Variants in ELP1 observed in about 807,000 individuals in gnomAD.
ELP1 encodes the protein elongator complex protein 1.
In ELP1, 131 loss-of-function variants were observed where a neutral mutation model predicts 183.2. The ratio of observed to expected loss-of-function variants is 0.72; its 90% CI spans 0.62 to 0.83. ELP1 has a LOEUF of 0.83. Among genes scored for constraint, ELP1 ranks in the 40% least tolerant of loss-of-function variants. The pLI is 0.00. For synonymous variants in ELP1, 555 were observed against 569.0 expected (o/e 0.98, Z 0.35); for missense variants, 1,550 against 1,594.9 (o/e 0.97, Z 0.48).
chr9:108,882,097 A>G, intron 30 of ELP1, 28 bp downstream of exon 30: 2 of 1,600,118 alleles, frequency 1.2e-6, no homozygotes, highest in Non-Finnish European at 1.7e-6. Context: ...TTAGCACCCA[A>G]CATCCAGAGG....
intron 5 of ELP1, among the ~76,000 whole-genome samples, chr9:108,925,855 A>G (rs1025141068): frequency 2.0e-5 from 3 of 152,136 alleles, no homozygotes; most frequent in African/African-American, 2.4e-5. Flanking sequence ...CAGCCCTCCA[A>G]AATTATTTCT....
chr9:108,922,229 A>G (rs1829670717), intron 6 of ELP1, among the ~76,000 whole-genome samples: 1 of 152,206 alleles, frequency 6.6e-6, no homozygotes, highest in Non-Finnish European at 1.5e-5. Context: ...AAAATATAAG[A>G]GTTTAAATGA....
intron 10 of ELP1, among the ~76,000 whole-genome samples, chr9:108,912,753 GTT>G (rs554750757): frequency 6.8e-5 from 9 of 132,722 alleles, no homozygotes; most frequent in Admixed American, 2.3e-4. Flanking sequence ...GTTTATTTTC[GTT>G]TTTTTTTTTT....
intron 5 of ELP1, among the ~76,000 whole-genome samples, chr9:108,924,867 G>C (rs1473559716): frequency 2.0e-5 from 3 of 152,126 alleles, no homozygotes; most frequent in Non-Finnish European, 4.4e-5. Context: ...GGTTCTGGCT[G>C]GAGTCCTGCT....
chr9:108,887,532 A>C (rs1344478958), intron 29 of ELP1, among the ~76,000 whole-genome samples: 10 of 152,204 alleles, frequency 6.6e-5, no homozygotes, highest in African/African-American at 2.4e-4. Flanking sequence ...CCTCCCTGCA[A>C]AACACTTCAG....
At chr9:108,904,048 G>C (rs1374385718) in intron 14 of ELP1, among the ~76,000 whole-genome samples, 1 of 152,138 alleles carries the variant, frequency 6.6e-6, no homozygotes, top group Non-Finnish European at 1.5e-5. Flanking sequence ...CATTAGACAT[G>C]GATGGTACCA....
intron 35 of ELP1, among the ~76,000 whole-genome samples, chr9:108,876,439 T>C (rs996287569): frequency 6.6e-6 from 1 of 152,224 alleles, no homozygotes; most frequent in Non-Finnish European, 1.5e-5. Context: ...CCCTCTTATT[T>C]AACCTTCAAA....
intron 14 of ELP1, among the ~76,000 whole-genome samples, chr9:108,903,949 C>T (rs1383362555): frequency 6.6e-6 from 1 of 152,154 alleles, no homozygotes; most frequent in Non-Finnish European, 1.5e-5. Flanking sequence ...CCATTTTCCA[C>T]AAACCCAATA....
At chr9:108,873,351 G>A (rs539457786) in intron 36 of ELP1, among the ~76,000 whole-genome samples, 2 of 152,308 alleles carry the variant, frequency 1.3e-5, no homozygotes, top group East Asian at 3.9e-4. Context: ...TAGCTGGGGA[G>A]GGGCAGCTGA....
chr9:108,917,451 G>C (rs1462499568), intron 9 of ELP1, 96 bp downstream of exon 9: 1 of 1,267,316 alleles, frequency 7.9e-7, no homozygotes, highest in African/African-American at 1.8e-5. Flanking sequence ...TGGGCAACAA[G>C]AATGAAACTC....
At chr9:108,869,236 G>T in intron 36 of ELP1, 54 bp from the exon 37 acceptor site, 1 of 1,459,448 alleles carries the variant, frequency 6.9e-7, no homozygotes, top group Non-Finnish European at 9.6e-7. Flanking sequence ...GTTGGAGGGC[G>T]CTGAGGCAGT....
At chr9:108,899,984 G>C (rs1348373537) in intron 19 of ELP1, 89 bp from the exon 20 acceptor site, 3 of 1,018,074 alleles carry the variant, frequency 2.9e-6, no homozygotes, top group Non-Finnish European at 4.6e-6. Context: ...TCTTCACAGA[G>C]AATTACCACA....
chr9:108,919,255 G>A lies in ELP1; in HGVS notation c.647C>T (p.Thr216Ile), dbSNP rs944325914. 3 of 1,608,512 alleles carry A rather than the reference G, an allele frequency of 1.9e-6. No individual in the cohort carries two copies. The highest frequency in any genetic ancestry group is 2.6e-6 in the Non-Finnish European group (3 of 1,175,218). ...FFAVSVVCPE[T>I]GARKVRVWNR... ...TTAACTGCAATATATTTCCATACCT[G>A]TTTCTGGGCAAACAACACTCACAGC... is the stretch of plus-strand genomic sequence containing the variant. Residue 216 changes from threonine to isoleucine, a missense_variant and splice_region_variant, in exon 7 of 37, where the codon ACA (threonine) becomes ATA (isoleucine). Transcript: ENST00000374647.
chr9:108,914,934 T>C (rs867210529), intron 10 of ELP1, among the ~76,000 whole-genome samples: 1 of 152,134 alleles, frequency 6.6e-6, no homozygotes, highest in Non-Finnish European at 1.5e-5. Flanking sequence ...GGCCCATACC[T>C]ACTACACTTT....
chr9:108,922,767 A>G (rs1829690906), intron 6 of ELP1, 75 bp downstream of exon 6: 3 of 1,069,332 alleles, frequency 2.8e-6, no homozygotes, highest in Non-Finnish European at 2.9e-6. Flanking sequence ...CTAAGTGGAC[A>G]CCAAAGAGTT....
At chr9:108,892,922 T>C (rs1828398718) in intron 27 of ELP1, 64 bp downstream of exon 27, 2 of 1,090,028 alleles carry the variant, frequency 1.8e-6, no homozygotes, top group Non-Finnish European at 2.9e-6. Context: ...CTTAGGATCC[T>C]CACTCCTTTC....
chr9:108,897,143 C>G lies in ELP1; in HGVS notation c.2501+5G>C, dbSNP rs545489569. The G allele has an allele frequency of 1.4e-5, 22 of 1,614,162 alleles. 1 individual carries two copies. The South Asian group carries it at 2.4e-4, about 18-fold the overall frequency. On this transcript the variant is annotated splice_donor_5th_base_variant and intron_variant, in intron 23 of 36. Coordinates refer to ENST00000374647, the MANE Select transcript of ELP1 (RefSeq NM_003640.5). The stretch of plus-strand genomic sequence containing the variant: ...AAGGATGCCACCTGGTGACAGCATA[C>G]ATACTTATGAGGATTTATGCTCTCC...
At chr9:108,897,791 T>C (rs532824980) in intron 22 of ELP1, among the ~76,000 whole-genome samples, 1 of 152,316 alleles carries the variant, frequency 6.6e-6, no homozygotes, top group East Asian at 1.9e-4. Flanking sequence ...GAAGCAGCTT[T>C]CTGAAAAGGA....
intron 24 of ELP1, 84 bp downstream of exon 24, chr9:108,896,869 G>A: frequency 8.0e-7 from 1 of 1,257,600 alleles, no homozygotes; most frequent in Non-Finnish European, 1.2e-6. Flanking sequence ...CTGTGGTGTG[G>A]CAATGACATG....
Sources: gnomAD v4.1 joint callset for allele counts (sites outside exome capture counted in the v4.1 genomes callset) on GRCh38, gnomAD v4.1.1 for gene constraint, MANE v1.5 for transcripts, NCBI Gene and HGNC (gene_info 2026-07-23, HGNC 2026-07-21) for gene names.